The following BLNK variants were observed in gnomAD, a reference collection of about 807,000 sequenced individuals.
BLNK encodes B cell linker.
Under a neutral mutation model 73.5 loss-of-function variants are expected in BLNK, and 29 were observed. The ratio of observed to expected loss-of-function variants is 0.39; its 90% confidence interval spans 0.29 to 0.54. The LOEUF (loss-of-function observed/expected upper bound fraction) is 0.54. Ranked by LOEUF, BLNK falls within the 20% of genes least tolerant of loss-of-function variation. The probability of loss-of-function intolerance (pLI) is 0.61; values close to 1 mark genes in which losing one functional copy is unlikely to be tolerated. For missense variants in BLNK, 460 were observed against 562.8 expected (o/e 0.82, Z 1.85); for synonymous variants, 176 against 200.8 (o/e 0.88, Z 1.04).
chr10:96,197,755 GA>G (rs2083507972), intron 15 of BLNK, among the ~76,000 whole-genome samples: 1 of 151,380 alleles, frequency 6.6e-6, no homozygotes, highest in East Asian at 1.9e-4. Context: ...ACTTTTATAA[GA>G]AAAAAAATCC....
intron 12 of BLNK, 101 bp from the exon 13 acceptor site, chr10:96,204,189 T>TAA: frequency 7.8e-7 from 1 of 1,274,860 alleles, no homozygotes; most frequent in Non-Finnish European, 1.1e-6. Flanking sequence ...ACATCACAAA[T>TAA]AAATCAATAC....
rs1344446793 is a variant in BLNK at position 96,190,971 on chromosome 10, T to C, written c.*1002A>G. Among the ~76,000 whole-genome samples, 6 of 152,270 alleles carry C rather than the reference T, an allele frequency of 3.9e-5. No individual in the cohort carries two copies. In the South Asian group the frequency reaches 6.2e-4, roughly 16 times the overall value. On this transcript the variant is annotated 3_prime_UTR_variant, in exon 17 of 17. Transcript: ENST00000224337. ...TGGTTTGGCTGTGTCCTCACCCAAA[T>C]CTCATCTTGAATTGTAGCTCCCATA...
intron 6 of BLNK, among the ~76,000 whole-genome samples, chr10:96,220,339 C>T (rs587628068): frequency 6.6e-6 from 1 of 152,264 alleles, no homozygotes; most frequent in African/African-American, 2.4e-5. Context: ...ACAACGATGC[C>T]ACTTCAATGA....
At chr10:96,195,761 G>A (rs1479989639) in intron 16 of BLNK, among the ~76,000 whole-genome samples, 3 of 152,150 alleles carry the variant, frequency 2.0e-5, no homozygotes, top group African/African-American at 7.2e-5. Flanking sequence ...TTACTGAGCT[G>A]TACACTTAAA....
chr10:96,235,749 G>C (rs1437682226), intron 3 of BLNK, among the ~76,000 whole-genome samples: 1 of 152,160 alleles, frequency 6.6e-6, no homozygotes, highest in Non-Finnish European at 1.5e-5. Context: ...AGAGAATAAG[G>C]ATGAAGGAGT....
Position 96,192,085 on chromosome 10 carries a change from C to T in BLNK, c.1259G>A (p.Gly420Glu), listed in dbSNP as rs782365175. 5.0e-6 allele frequency: 8 copies of T among 1,613,532 alleles called. No individual in the cohort carries two copies. In the Admixed American group the frequency reaches 1.0e-4, roughly 20 times the overall value. ...ATTCCTGATGATTTCAGCAACACTT[C>T]CAAAGTACTAGAGGAAGAAAACATA... ...GRKKNGEEYF[G>E]SVAEIIRNHQ... Residue 420 changes from glycine to glutamate, a missense_variant, in exon 17 of 17, where the codon GGA becomes GAA. Physicochemically the swap from Gly to Glu is moderately conservative, Grantham distance 98 (BLOSUM62 -2). Coordinates refer to ENST00000224337, the MANE Select transcript of BLNK (RefSeq NM_013314.4).
At chr10:96,236,628 C>G (rs2134062269) in intron 3 of BLNK, among the ~76,000 whole-genome samples, 1 of 152,074 alleles carries the variant, frequency 6.6e-6, no homozygotes, top group South Asian at 2.1e-4. Context: ...TTGAGAACAC[C>G]CTGGACAACA....
chr10:96,211,312 G>A (rs1421697435), intron 8 of BLNK, among the ~76,000 whole-genome samples: 5 of 152,156 alleles, frequency 3.3e-5, no homozygotes, highest in African/African-American at 1.2e-4. Flanking sequence ...TGAGGACTTG[G>A]TACATGTAAA....
intron 3 of BLNK, among the ~76,000 whole-genome samples, chr10:96,235,607 C>T (rs1170205797): frequency 6.6e-6 from 1 of 152,150 alleles, no homozygotes; most frequent in Non-Finnish European, 1.5e-5. Context: ...AATGTCCCCA[C>T]ACCTGGAATC....
chr10:96,210,400 A>T (rs2083919851), intron 8 of BLNK: 1 of 169,244 alleles, frequency 5.9e-6, no homozygotes, highest in South Asian at 1.5e-4. Flanking sequence ...AATACGGTAA[A>T]TGCCTCTAAC....
intron 3 of BLNK, among the ~76,000 whole-genome samples, chr10:96,235,273 TAGA>T (rs1158367251): frequency 6.6e-6 from 1 of 152,236 alleles, no homozygotes; most frequent in African/African-American, 2.4e-5. Context: ...TAATCGTGCT[TAGA>T]AGAGTATCTG....
chr10:96,204,176 GGCA>G, intron 12 of BLNK, 88 bp from the exon 13 acceptor site: 1 of 1,364,180 alleles, frequency 7.3e-7, no homozygotes, highest in Non-Finnish European at 1.0e-6. Flanking sequence ...GCTGTGAACA[GGCA>G]CATCACAAAT....
chr10:96,234,263 T>G (rs1014662834), intron 3 of BLNK, among the ~76,000 whole-genome samples: 3 of 152,324 alleles, frequency 2.0e-5, no homozygotes, highest in Middle Eastern at 3.4e-3. Context: ...TCATACAGTA[T>G]GGGATAGAGG....
intron 1 of BLNK, among the ~76,000 whole-genome samples, chr10:96,252,056 T>A (rs55769004): frequency 0.022 from 3,343 of 152,030 alleles, 50 homozygotes; most frequent in Non-Finnish European, 0.031. Flanking sequence ...ATTTTTATTA[T>A]TATTATTATT....
chr10:96,210,466 G>A (rs1215177613), intron 8 of BLNK, among the ~76,000 whole-genome samples: 3 of 152,240 alleles, frequency 2.0e-5, no homozygotes, highest in Non-Finnish European at 2.9e-5. Context: ...GGCTTTCGCC[G>A]ACAGGTTTTC....
chr10:96,228,085 TC>T (rs1554903051), intron 4 of BLNK, among the ~76,000 whole-genome samples: 2 of 19,962 alleles, frequency 1.0e-4, no homozygotes, highest in South Asian at 6.0e-3. Flanking sequence ...GGGTTTGCTC[TC>T]TTTTTTTTCT....
chr10:96,239,701 T>G (rs986539574), intron 3 of BLNK, among the ~76,000 whole-genome samples: 5 of 152,062 alleles, frequency 3.3e-5, no homozygotes, highest in Non-Finnish European at 5.9e-5. Context: ...TTGTAGAAGG[T>G]GAGGGAAAAG....
chr10:96,215,271 T>C, intron 8 of BLNK, 50 bp downstream of exon 8: 1 of 1,541,914 alleles, frequency 6.5e-7, no homozygotes, highest in Non-Finnish European at 9.0e-7. Flanking sequence ...GATCTGTTTT[T>C]CTTATTTGAA....
chr10:96,265,745 G>A (rs768223241), intron 1 of BLNK, among the ~76,000 whole-genome samples: 7 of 152,226 alleles, frequency 4.6e-5, no homozygotes, highest in Non-Finnish European at 1.0e-4. Flanking sequence ...ATGAATATTT[G>A]CTTATTGTTC....
Sources: allele counts gnomAD v4.1 joint callset (sites outside exome capture counted in the v4.1 genomes callset), GRCh38; gene constraint gnomAD v4.1.1; transcripts MANE v1.5; gene names NCBI Gene and HGNC (gene_info 2026-07-23, HGNC 2026-07-21).